Variants in FAM219A observed in about 807,000 individuals in gnomAD.
FAM219A encodes family with sequence similarity 219 member A, also known as protein FAM219A.
In FAM219A, 7 loss-of-function variants were observed where a neutral mutation model predicts 23.4. The ratio of observed to expected loss-of-function variants is 0.30; its 90% CI spans 0.17 to 0.56. The LOEUF is 0.56. FAM219A is among the 20% of genes least tolerant of loss of function. FAM219A has a pLI of 0.92. For synonymous variants in FAM219A, 93 were observed against 99.0 expected, an observed-to-expected ratio of 0.94 and a Z score of 0.36; for missense variants, 166 against 246.9, an observed-to-expected ratio of 0.67 and a Z score of 2.20.
At chr9:34,448,727 T>C (rs1271510783) in intron 1 of FAM219A, among the ~76,000 whole-genome samples, 1 of 151,970 alleles carries the variant, frequency 6.6e-6, no homozygotes, top group African/African-American at 2.4e-5. Flanking sequence ...TGGCAGAACA[T>C]AAAAGCATAG....
Position 34,457,455 on chromosome 9 carries a change from C to G in FAM219A, c.60+749G>C, listed in dbSNP as rs1823786751. The G allele has an allele frequency of 6.6e-6, 1 of 152,528 alleles. No individual in the cohort carries two copies. The highest frequency in any genetic ancestry group is 2.1e-4 in the South Asian group (1 of 4,850). 9.4% of individuals were successfully genotyped at this position (152,528 alleles called of 1,614,324 possible). On this transcript the variant is annotated intron_variant, in intron 1 of 5. Transcript: ENST00000651358. This position sits in a 1 kb window ranked among gnomAD's most constrained non-coding sequence, Gnocchi z 5.1. The stretch of plus-strand genomic sequence containing the variant: ...CGGCAGGATCCGCGCCCAGCAAGGA[C>G]TTCAGGCACGTAGGCCTAAGATGAT...
chr9:34,429,362 C>T (rs1489872145), intron 1 of FAM219A, among the ~76,000 whole-genome samples: 1 of 152,200 alleles, frequency 6.6e-6, no homozygotes, highest in African/African-American at 2.4e-5. Flanking sequence ...TTGAGAGGAA[C>T]AGGGTCCTGA....
intron 1 of FAM219A, among the ~76,000 whole-genome samples, chr9:34,420,974 GTGTGTGTGTGTGTGTGTA>G (rs1339546434): frequency 1.6e-5 from 2 of 125,460 alleles, no homozygotes; most frequent in Admixed American, 1.6e-4. Flanking sequence ...AGTGAAACTC[GTGTGTGTGTGTGTGTGTA>G]TGTGTGTGTG....
At chr9:34,445,508 T>C (rs1011844386) in intron 1 of FAM219A, among the ~76,000 whole-genome samples, 9 of 152,092 alleles carry the variant, frequency 5.9e-5, no homozygotes, top group Admixed American at 1.3e-4. Flanking sequence ...CAGAAGAGAA[T>C]TGTTAAGAGG....
intron 1 of FAM219A, among the ~76,000 whole-genome samples, chr9:34,416,840 C>A: frequency 8.1e-6 from 1 of 122,778 alleles, no homozygotes; most frequent in South Asian, 2.5e-4. Flanking sequence ...TAAATAGAGG[C>A]AGGGTCTTTC....
At chr9:34,419,036 C>T (rs780621153) in intron 1 of FAM219A, among the ~76,000 whole-genome samples, 11 of 152,126 alleles carry the variant, frequency 7.2e-5, no homozygotes, top group Non-Finnish European at 1.5e-4. Context: ...GATTGCACCA[C>T]TGCACTCCAA....
intron 1 of FAM219A, among the ~76,000 whole-genome samples, chr9:34,420,034 C>T (rs917267589): frequency 4.6e-5 from 7 of 152,232 alleles, no homozygotes; most frequent in African/African-American, 1.7e-4. Flanking sequence ...AAGCTCAGCT[C>T]TCTAGCCAGA....
chr9:34,446,754 A>G (rs941382831), intron 1 of FAM219A, among the ~76,000 whole-genome samples: 1 of 152,204 alleles, frequency 6.6e-6, no homozygotes, highest in African/African-American at 2.4e-5. Flanking sequence ...TAGGCCAAAC[A>G]GCTCAGTTCT....
chr9:34,413,908 C>T (rs533724700), intron 1 of FAM219A, among the ~76,000 whole-genome samples: 34 of 152,308 alleles, frequency 2.2e-4, no homozygotes, highest in Non-Finnish European at 4.1e-4. Context: ...GCATCAAAGA[C>T]CAGCTCTGTT....
chr9:34,402,867 C>T (rs1237392984), intron 2 of FAM219A, 60 bp from the exon 3 acceptor site: 3 of 1,516,274 alleles, frequency 2.0e-6, no homozygotes, highest in Non-Finnish European at 2.7e-6. Flanking sequence ...TGTCTTACTA[C>T]TCAGGGCAGC....
intron 1 of FAM219A, among the ~76,000 whole-genome samples, chr9:34,416,238 A>AGGGGGAGG (rs1822011102): frequency 7.9e-6 from 1 of 126,572 alleles, no homozygotes; most frequent in East Asian, 2.7e-4. Context: ...AAAGAAAGAA[A>AGGGGGAGG]GAAAGAAAGA....
At chr9:34,411,352 AG>A (rs1821812611) in intron 1 of FAM219A, among the ~76,000 whole-genome samples, 1 of 151,950 alleles carries the variant, frequency 6.6e-6, no homozygotes, top group African/African-American at 2.4e-5. Context: ...GTTCAAGTCC[AG>A]TCTGCGCAAC....
chr9:34,429,728 T>A (rs2183014), intron 1 of FAM219A, among the ~76,000 whole-genome samples: 27,579 of 152,040 alleles, frequency 0.18, 2,728 homozygotes, highest in East Asian at 0.33. Flanking sequence ...ACCCACCTCA[T>A]GTCAATGTCC....
chr9:34,455,837 A>G (rs759790997), intron 1 of FAM219A, among the ~76,000 whole-genome samples: 10 of 152,182 alleles, frequency 6.6e-5, no homozygotes, highest in African/African-American at 1.4e-4. Flanking sequence ...GGCAATGTCT[A>G]TGACCCTCAA....
At chr9:34,439,319 C>G (rs897463288) in intron 1 of FAM219A, among the ~76,000 whole-genome samples, 1 of 152,312 alleles carries the variant, frequency 6.6e-6, no homozygotes, top group African/African-American at 2.4e-5. Context: ...TCAGATACGA[C>G]ATGGGGTTAC....
At chr9:34,451,496 C>T (rs187940390) in intron 1 of FAM219A, among the ~76,000 whole-genome samples, 5 of 152,260 alleles carry the variant, frequency 3.3e-5, no homozygotes, top group East Asian at 3.9e-4. Context: ...TAGGAAGGCA[C>T]GAAGCAGCTA....
intron 1 of FAM219A, among the ~76,000 whole-genome samples, chr9:34,442,297 A>G (rs1472994475): frequency 6.6e-6 from 1 of 152,258 alleles, no homozygotes; most frequent in African/African-American, 2.4e-5. Context: ...ACTCTATAGG[A>G]CAAAGGACTG....
At chr9:34,444,428 A>G (rs1356344520) in intron 1 of FAM219A, among the ~76,000 whole-genome samples, 1 of 152,154 alleles carries the variant, frequency 6.6e-6, no homozygotes, top group Non-Finnish European at 1.5e-5. Context: ...TGGAAGACTC[A>G]GGTAGGAGCT....
chr9:34,428,069 T>C (rs1458647732), intron 1 of FAM219A, among the ~76,000 whole-genome samples: 1 of 152,214 alleles, frequency 6.6e-6, no homozygotes, highest in Non-Finnish European at 1.5e-5. Context: ...GCCCAACTCT[T>C]GTTACTGAGT....
Sources: gnomAD v4.1 joint callset for allele counts (sites outside exome capture counted in the v4.1 genomes callset) on GRCh38, gnomAD v4.1.1 for gene constraint, Gnocchi (gnomAD v3.1) non-coding constraint, MANE v1.5 for transcripts, NCBI Gene and HGNC (gene_info 2026-07-23, HGNC 2026-07-21) for gene names.